Variants in MIB1 observed in about 807,000 individuals in gnomAD.
The protein encoded by MIB1 is E3 ubiquitin-protein ligase MIB1.
Under a neutral mutation model 124.5 loss-of-function variants are expected in MIB1, and 278 were observed. The observed-to-expected ratio is 2.23, with a 90% confidence interval of 2.02 to 2.47. The LOEUF (loss-of-function observed/expected upper bound fraction) is 2.47, where lower values mean the gene tolerates loss of function less well. Ranked by LOEUF, MIB1 falls within the 30% of genes most tolerant of loss-of-function variation. The pLI is 0.00. For missense variants in MIB1, 957 were observed against 1,254.4 expected (o/e 0.76, Z 3.58); for synonymous variants, 446 against 429.4 (o/e 1.04, Z -0.48).
chr18:21,838,323 C>A (rs1004737791), intron 12 of MIB1, 42 bp from the exon 13 acceptor site: 3 of 1,422,294 alleles, frequency 2.1e-6, no homozygotes, highest in Non-Finnish European at 1.9e-6. Context: ...TTGAGTATAT[C>A]AAATTATGCA....
chr18:21,781,717 T>G (rs2041370826), intron 6 of MIB1, among the ~76,000 whole-genome samples: 1 of 152,098 alleles, frequency 6.6e-6, no homozygotes. Context: ...CTGGCCAGGG[T>G]TGATACTTCT....
chr18:21,739,888 C>G (rs1442555759), upstream of MIB1, among the ~76,000 whole-genome samples: 1 of 151,220 alleles, frequency 6.6e-6, no homozygotes, highest in Non-Finnish European at 1.5e-5. Context: ...GCACTCCGGC[C>G]TGGCTGACAG....
At chr18:21,778,880 GTT>G (rs1343063422) in intron 5 of MIB1, among the ~76,000 whole-genome samples, 2 of 151,612 alleles carry the variant, frequency 1.3e-5, no homozygotes, top group African/African-American at 4.8e-5. Context: ...AAGCTTTCTT[GTT>G]TTGTGTTTTG....
chr18:21,794,632 A>C (rs932433555), intron 7 of MIB1, among the ~76,000 whole-genome samples: 5 of 152,192 alleles, frequency 3.3e-5, no homozygotes, highest in Non-Finnish European at 5.9e-5. Flanking sequence ...CTGACCCAGA[A>C]CAGCAAACAC....
chr18:21,795,171 ATAT>A (rs1014137025), intron 7 of MIB1, among the ~76,000 whole-genome samples: 67 of 150,384 alleles, frequency 4.5e-4, no homozygotes, highest in Non-Finnish European at 8.6e-4. Flanking sequence ...CTGGGACTAA[ATAT>A]TATTATTTTA....
intron 1 of MIB1, among the ~76,000 whole-genome samples, chr18:21,727,039 CTTG>C (rs1398694017): frequency 1.3e-5 from 2 of 152,132 alleles, no homozygotes; most frequent in Non-Finnish European, 2.9e-5. Context: ...AAGATGCTTC[CTTG>C]TTTATTATTC....
At chr18:21,843,613 T>C (rs1241610723) in intron 14 of MIB1, among the ~76,000 whole-genome samples, 1 of 152,266 alleles carries the variant, frequency 6.6e-6, no homozygotes, top group African/African-American at 2.4e-5. Flanking sequence ...GAAATTCCTC[T>C]TGATATCCTC....
chr18:21,779,686 G>T lies in MIB1; in HGVS notation c.908+1G>T. 1 of 1,609,996 alleles carries T rather than the reference G, an allele frequency of 6.2e-7. No homozygotes were observed. The highest frequency in any genetic ancestry group is 8.5e-7 in the Non-Finnish European group (1 of 1,176,304). On this transcript the variant is annotated splice_donor_variant, in intron 6 of 20. Transcript: ENST00000261537. LOFTEE classifies it high-confidence loss of function. Reference sequence around the variant, plus strand: ...TAGTACAGTATCCAAGTGGCAATAGGTGGGTGATATCTCTCAATTTTTGAC... The same window carrying T: ...TAGTACAGTATCCAAGTGGCAATAGTTGGGTGATATCTCTCAATTTTTGAC...
At position 21,849,333 on chromosome 18, in the gene MIB1, CT is replaced by C. The variant is rs2042162549; in HGVS notation, c.2532del (p.Pro845HisfsTer49). 1 of 1,612,564 alleles carries C rather than the reference CT, an allele frequency of 6.2e-7. No homozygotes were observed. Among genetic ancestry groups the C allele is most frequent in the Non-Finnish European group, 8.5e-7 (1 of 1,179,358 alleles). Reference protein sequence around the residue: ...CGHIATCSLCSPRVKKCLICK... With the variant: ...CGHIATCSLCXPRVKKCLICK... ...CATATTGCTACCTGTTCTTTATGTT[CT>C]CCACGTGTCAAGAAATGCCTCATCT... On this transcript the variant is annotated frameshift_variant, in exon 17 of 21. Coordinates refer to ENST00000261537, the MANE Select transcript of MIB1 (RefSeq NM_020774.4). LOFTEE classifies it high-confidence loss of function.
At chr18:21,764,270 C>T (rs1242999223) in intron 1 of MIB1, among the ~76,000 whole-genome samples, 1 of 152,054 alleles carries the variant, frequency 6.6e-6, no homozygotes, top group Non-Finnish European at 1.5e-5. Context: ...CCTGCCTTCC[C>T]TCCCTCTTCC....
intron 4 of MIB1, among the ~76,000 whole-genome samples, chr18:21,776,289 C>T (rs999268003): frequency 1.3e-5 from 2 of 151,026 alleles, no homozygotes; most frequent in Non-Finnish European, 3.0e-5. Flanking sequence ...AAAAAAAATC[C>T]CAAAAAACCA....
At chr18:21,732,351 TACACACACAC>T (rs59731612) in intron 1 of MIB1, among the ~76,000 whole-genome samples, 5,506 of 141,038 alleles carry the variant, frequency 0.039, 179 homozygotes, top group African/African-American at 0.081. Context: ...ATTATATGTA[TACACACACAC>T]ACACACACAC....
At chr18:21,770,531 G>A (rs192444873) in intron 3 of MIB1, among the ~76,000 whole-genome samples, 88 of 152,008 alleles carry the variant, frequency 5.8e-4, no homozygotes, top group Non-Finnish European at 1.0e-3. Context: ...TGTTGCCCAG[G>A]CTGGTCTCGA....
At chr18:21,712,456 G>C (rs372844938) in intron 1 of MIB1, among the ~76,000 whole-genome samples, 32 of 152,204 alleles carry the variant, frequency 2.1e-4, no homozygotes, top group African/African-American at 7.7e-4. Context: ...CTCCTTAGCA[G>C]ACTGGAGCTA....
chr18:21,778,101 A>T lies in MIB1; in HGVS notation c.637-2A>T. On this transcript the variant is annotated splice_acceptor_variant, in intron 4 of 20. Transcript: ENST00000261537. LOFTEE classifies it high-confidence loss of function. The stretch of plus-strand genomic sequence containing the variant: ...GATTTTTCTGGTTTCTTTTCTTCTT[A>T]GTCTGATCTGAAATGTGTCCAGGAT... 2 of 1,609,522 alleles carry T rather than the reference A, an allele frequency of 1.2e-6. No individual in the cohort carries two copies. The highest frequency in any genetic ancestry group is 1.7e-6 in the Non-Finnish European group (2 of 1,176,256).
rs564268674 is a variant in MIB1, at chr18:21,798,310, T to C, written c.1237+82T>C. On this transcript the variant is annotated intron_variant, in intron 8 of 20. Transcript: ENST00000261537. ...TAATTCCCCAGTTCTCATATACAGA[T>C]AATGTTGTACATGTGCTTGGCTTTG... 5.2e-6 allele frequency: 7 copies of C among 1,359,172 alleles called. No homozygotes were observed. In the African/African-American group the frequency reaches 1.0e-4, roughly 19 times the overall value. The allele number at this position is 1,359,172 out of a possible 1,614,324, so 84.2% of individuals were successfully genotyped here. A position where few individuals can be genotyped will look rare whatever the true frequency, so the allele number is the denominator to read the frequency against.
At chr18:21,797,981 T>C in intron 7 of MIB1, 103 bp from the exon 8 acceptor site, 1 of 1,132,160 alleles carries the variant, frequency 8.8e-7, no homozygotes, top group Non-Finnish European at 1.3e-6. Context: ...AGTTTTTTCA[T>C]TAGTAATAAG....
At chr18:21,807,897 T>C (rs1405854714) in intron 10 of MIB1, among the ~76,000 whole-genome samples, 1 of 152,244 alleles carries the variant, frequency 6.6e-6, no homozygotes, top group Admixed American at 6.5e-5. Context: ...ATGAATCTTA[T>C]GTACCCATTG....
At chr18:21,798,845 A>G (rs1401270048) in intron 8 of MIB1, among the ~76,000 whole-genome samples, 1 of 152,128 alleles carries the variant, frequency 6.6e-6, no homozygotes, top group Non-Finnish European at 1.5e-5. Flanking sequence ...CTGTGTGTAC[A>G]TGTTGTCATC....
Sources: gnomAD v4.1 joint callset for allele counts (sites outside exome capture counted in the v4.1 genomes callset) on GRCh38, gnomAD v4.1.1 for gene constraint, MANE v1.5 for transcripts, NCBI Gene and HGNC (gene_info 2026-07-23, HGNC 2026-07-21) for gene names.